Variants in CACNA2D3 observed in about 807,000 individuals in gnomAD.
The protein encoded by CACNA2D3 is calcium voltage-gated channel auxiliary subunit alpha2delta 3.
A neutral mutation model predicts 160.6 loss-of-function variants in CACNA2D3; 60 were observed. The observed-to-expected ratio is 0.37, with a 90% CI of 0.30 to 0.46. The LOEUF is 0.46. CACNA2D3 is among the 20% of genes least tolerant of loss of function. CACNA2D3 has a pLI of 1.00. For synonymous variants in CACNA2D3, 558 were observed against 492.9 expected (o/e 1.13, Z -1.75); for missense variants, 1,205 against 1,365.0 (o/e 0.88, Z 1.85).
chr3:54,153,440 A>G (rs1343691824), intron 2 of CACNA2D3, among the ~76,000 whole-genome samples: 2 of 152,212 alleles, frequency 1.3e-5, no homozygotes, highest in African/African-American at 4.8e-5. Context: ...GAATAACTCA[A>G]ACCTTATTTA....
At chr3:55,017,074 T>A (rs1703341194) in intron 34 of CACNA2D3, among the ~76,000 whole-genome samples, 1 of 152,208 alleles carries the variant, frequency 6.6e-6, no homozygotes, top group Admixed American at 6.5e-5. Flanking sequence ...TCACACATAG[T>A]TTTGTTAAAA....
At chr3:54,746,092 C>A (rs562221547) in intron 11 of CACNA2D3, among the ~76,000 whole-genome samples, 1 of 152,164 alleles carries the variant, frequency 6.6e-6, no homozygotes, top group Non-Finnish European at 1.5e-5. Context: ...ATTAAAGCAG[C>A]CTGCTCAATA....
At chr3:54,255,568 G>T (rs752290963) in intron 2 of CACNA2D3, among the ~76,000 whole-genome samples, 6 of 152,054 alleles carry the variant, frequency 3.9e-5, no homozygotes, top group Non-Finnish European at 7.4e-5. Flanking sequence ...ACAATTCCTG[G>T]GCTATCTTTC....
Position 54,383,397 on chromosome 3 carries a change from G to A in CACNA2D3, c.322-3318G>A, listed in dbSNP as rs142094719. Among the ~76,000 whole-genome samples the A allele has an allele frequency of 3.3e-3, 509 of 152,266 alleles. 3 individuals carry two copies. The highest frequency in any genetic ancestry group is 0.02 in the Middle Eastern group (6 of 294). On this transcript the variant is annotated intron_variant, in intron 3 of 37. Coordinates refer to ENST00000474759, the MANE Select transcript of CACNA2D3 (RefSeq NM_018398.3). Reference sequence around the variant, plus strand: ...ATCAGAGGGCAGGTTGGGACAACCCGGTGGGTGCTGCATGCAGGGCGTATC... The same window carrying A: ...ATCAGAGGGCAGGTTGGGACAACCCAGTGGGTGCTGCATGCAGGGCGTATC...
chr3:54,976,092 C>T (rs1050118910), intron 29 of CACNA2D3, among the ~76,000 whole-genome samples: 4 of 142,648 alleles, frequency 2.8e-5, no homozygotes, highest in East Asian at 2.1e-4. Flanking sequence ...CACACACACA[C>T]ATTATATAAA....
At chr3:54,537,879 C>T (rs901687852) in intron 5 of CACNA2D3, among the ~76,000 whole-genome samples, 8 of 152,268 alleles carry the variant, frequency 5.3e-5, no homozygotes, top group South Asian at 2.1e-4. Flanking sequence ...TTTCTGGCCC[C>T]GACTTGTACC....
intron 27 of CACNA2D3, among the ~76,000 whole-genome samples, chr3:54,923,252 G>T (rs1700905659): frequency 6.6e-6 from 1 of 152,118 alleles, no homozygotes. Context: ...CCAAGTACTG[G>T]TGTTGTCTTG....
intron 11 of CACNA2D3, among the ~76,000 whole-genome samples, chr3:54,744,146 T>C (rs1701704750): frequency 6.6e-6 from 1 of 152,178 alleles, no homozygotes; most frequent in African/African-American, 2.4e-5. Context: ...ATATGACTAT[T>C]CTGGATCTGA....
At chr3:55,068,456 T>C (rs1196166794) in intron 35 of CACNA2D3, among the ~76,000 whole-genome samples, 2 of 152,230 alleles carry the variant, frequency 1.3e-5, no homozygotes, top group Non-Finnish European at 2.9e-5. Flanking sequence ...ATTGAGTCCA[T>C]TTACTCTAGT....
intron 11 of CACNA2D3, among the ~76,000 whole-genome samples, chr3:54,727,731 G>A (rs938140690): frequency 1.4e-4 from 21 of 152,170 alleles, no homozygotes; most frequent in Admixed American, 8.5e-4. Context: ...CATGAGGAGG[G>A]GAACATCACA....
chr3:54,757,088 C>T (rs992401380), intron 12 of CACNA2D3, among the ~76,000 whole-genome samples: 6 of 152,264 alleles, frequency 3.9e-5, no homozygotes, highest in Admixed American at 1.3e-4. Flanking sequence ...GGCCGACTAC[C>T]GACTAGCCCA....
chr3:54,433,307 A>G (rs914373524), intron 4 of CACNA2D3, among the ~76,000 whole-genome samples: 5 of 152,198 alleles, frequency 3.3e-5, no homozygotes, highest in Admixed American at 1.3e-4. Context: ...TGATGTAACT[A>G]CAGGGATAAG....
chr3:54,820,908 A>G (rs1026696057), intron 14 of CACNA2D3, among the ~76,000 whole-genome samples: 2 of 152,156 alleles, frequency 1.3e-5, no homozygotes, highest in African/African-American at 2.4e-5. Flanking sequence ...CTTCACGTAG[A>G]TTCTGTCTAT....
intron 11 of CACNA2D3, among the ~76,000 whole-genome samples, chr3:54,673,048 A>G (rs1575416677): frequency 6.6e-6 from 1 of 152,250 alleles, no homozygotes; most frequent in Non-Finnish European, 1.5e-5. Context: ...TTCTGAGACT[A>G]CACATGGGCT....
At chr3:54,476,552 C>G (rs1263666023) in intron 4 of CACNA2D3, among the ~76,000 whole-genome samples, 1 of 152,106 alleles carries the variant, frequency 6.6e-6, no homozygotes, top group Non-Finnish European at 1.5e-5. Flanking sequence ...TTTTCTCCCC[C>G]TCCATGCCAA....
At chr3:54,592,660 G>A (rs1474222428) in intron 9 of CACNA2D3, among the ~76,000 whole-genome samples, 1 of 152,000 alleles carries the variant, frequency 6.6e-6, no homozygotes, top group East Asian at 1.9e-4. Context: ...ATTTTTCTCT[G>A]GTTTTATAAT....
At chr3:54,686,349 C>G (rs1364235290) in intron 11 of CACNA2D3, among the ~76,000 whole-genome samples, 2 of 152,226 alleles carry the variant, frequency 1.3e-5, no homozygotes, top group Non-Finnish European at 2.9e-5. Context: ...CAATAGTACT[C>G]TGACTAGCAC....
chr3:54,763,666 T>C (rs1702129899), intron 12 of CACNA2D3, among the ~76,000 whole-genome samples: 1 of 146,176 alleles, frequency 6.8e-6, no homozygotes, highest in Non-Finnish European at 1.5e-5. Flanking sequence ...TGTGTGTGTG[T>C]GTGTATATAT....
chr3:54,307,238 T>C (rs1167524912), intron 2 of CACNA2D3, among the ~76,000 whole-genome samples: 1 of 152,178 alleles, frequency 6.6e-6, no homozygotes, highest in Non-Finnish European at 1.5e-5. Context: ...AATCATTTGA[T>C]TCTGAAGTTG....
Sources: allele counts gnomAD v4.1 joint callset (sites outside exome capture counted in the v4.1 genomes callset), GRCh38; gene constraint gnomAD v4.1.1; transcripts MANE v1.5; gene names NCBI Gene and HGNC (gene_info 2026-07-23, HGNC 2026-07-21).